SLC9A4: variants seen among roughly 807,000 people sequenced by gnomAD.
SLC9A4 encodes the protein solute carrier family 9 member A4, also known as sodium/hydrogen exchanger 4.
Under a neutral mutation model 67.4 loss-of-function variants are expected in SLC9A4, and 63 were observed. That is an observed-to-expected ratio of 0.93 (90% CI 0.76 to 1.15). The LOEUF is 1.15. Ranked by LOEUF, SLC9A4 falls within the 50% of genes most tolerant of loss-of-function variation. SLC9A4 has a pLI of 0.00. For synonymous variants in SLC9A4, 393 were observed against 367.2 expected (o/e 1.07, Z -0.80); for missense variants, 1,089 against 987.7 (o/e 1.10, Z -1.38).
At chr2:102,482,488 C>T (rs1479655561) in intron 2 of SLC9A4, among the ~76,000 whole-genome samples, 1 of 152,196 alleles carries the variant, frequency 6.6e-6, no homozygotes, top group Non-Finnish European at 1.5e-5. Context: ...CCAACCCATT[C>T]CTTCTATAAA....
intron 2 of SLC9A4, among the ~76,000 whole-genome samples, chr2:102,480,936 G>A (rs964388393): frequency 6.6e-6 from 1 of 152,204 alleles, no homozygotes. Context: ...GTGGGAGGCA[G>A]GCTTTGTGGT....
At position 102,473,628 on chromosome 2, in the gene SLC9A4, T is replaced by C; in HGVS notation, c.-132T>C. The C allele has an allele frequency of 6.2e-6, 7 of 1,131,670 alleles. No individual in the cohort carries two copies. The highest frequency in any genetic ancestry group is 2.5e-5 in the East Asian group (1 of 40,558). 70.1% of individuals were successfully genotyped at this position (1,131,670 alleles called of 1,614,324 possible). A position where few individuals can be genotyped will look rare whatever the true frequency, so the allele number is the denominator to read the frequency against. The stretch of plus-strand genomic sequence containing the variant: ...GCTCAATAACACACTCGGAATCTTC[T>C]TGGGAGGACCCACAGACTGTACCTA... On this transcript the variant is annotated 5_prime_UTR_variant, in exon 1 of 12. Transcript: ENST00000295269.
At position 102,514,073 on chromosome 2, in the gene SLC9A4, T is replaced by C; in HGVS notation, c.1560-17T>C. On this transcript the variant is annotated splice_polypyrimidine_tract_variant and intron_variant, in intron 7 of 11. Coordinates refer to ENST00000295269, the MANE Select transcript of SLC9A4 (RefSeq NM_001011552.4). ...ACAGACGTTCAAGATTTCCAAAATG[T>C]TGGTTTTCATTTTTAGGTTTAAGAA... The C allele has an allele frequency of 6.2e-7, 1 of 1,608,104 alleles. No homozygotes were observed. The highest frequency in any genetic ancestry group is 8.5e-7 in the Non-Finnish European group (1 of 1,177,820).
At chr2:102,525,799 C>T (rs568555577) in intron 10 of SLC9A4, among the ~76,000 whole-genome samples, 5 of 152,052 alleles carry the variant, frequency 3.3e-5, no homozygotes, top group Admixed American at 1.3e-4. Flanking sequence ...TGGAGACTGG[C>T]GTGTTCTGCT....
At chr2:102,485,336 C>T (rs892149445) in intron 2 of SLC9A4, among the ~76,000 whole-genome samples, 1 of 152,210 alleles carries the variant, frequency 6.6e-6, no homozygotes, top group Non-Finnish European at 1.5e-5. Context: ...GCCAGCAATT[C>T]CCTTTGGGTG....
rs369636879 is a variant in SLC9A4, at chr2:102,505,267, G to T, written c.994G>T (p.Ala332Ser). ...CTCCTTTTATAGAATCACAGCCTGC[G>T]CAGTAACAATGAAAAAGTACGTGGA... is the stretch of plus-strand genomic sequence containing the variant. Reference protein sequence around the residue: ...LSGILAITACAVTMKKYVEEN... With the variant: ...LSGILAITACSVTMKKYVEEN... The change falls in exon 4 of 12, where the codon GCA becomes TCA. Residue 332 changes from alanine to serine, a missense_variant. Transcript: ENST00000295269. 3 of 1,613,972 alleles carry T rather than the reference G, an allele frequency of 1.9e-6. No homozygotes were observed. The highest frequency in any genetic ancestry group is 3.3e-5 in the Admixed American group (2 of 59,990).
chr2:102,476,628 GA>G (rs1167744537), intron 1 of SLC9A4, among the ~76,000 whole-genome samples: 1 of 151,968 alleles, frequency 6.6e-6, no homozygotes, highest in Non-Finnish European at 1.5e-5. Context: ...TTTACATATT[GA>G]AAAAAGTTAA....
At chr2:102,520,584 A>G (rs1323716722) in intron 9 of SLC9A4, among the ~76,000 whole-genome samples, 1 of 152,178 alleles carries the variant, frequency 6.6e-6, no homozygotes, top group Non-Finnish European at 1.5e-5. Flanking sequence ...AAGTCATATA[A>G]TGACAAGTTT....
chr2:102,507,184 A>G (rs1685067526), intron 4 of SLC9A4, among the ~76,000 whole-genome samples: 1 of 152,204 alleles, frequency 6.6e-6, no homozygotes, highest in Non-Finnish European at 1.5e-5. Flanking sequence ...CATGGAGAGG[A>G]ACCAGGACAA....
At chr2:102,530,016 C>T (rs918923788) in intron 11 of SLC9A4, among the ~76,000 whole-genome samples, 17 of 152,222 alleles carry the variant, frequency 1.1e-4, no homozygotes, top group Admixed American at 5.9e-4. Flanking sequence ...AATGGTAACA[C>T]GACAATGTGA....
chr2:102,498,154 A>C (rs1684849999), intron 2 of SLC9A4, among the ~76,000 whole-genome samples: 1 of 152,244 alleles, frequency 6.6e-6, no homozygotes, highest in Non-Finnish European at 1.5e-5. Flanking sequence ...AAAGACACAC[A>C]CACATTATTG....
intron 11 of SLC9A4, among the ~76,000 whole-genome samples, chr2:102,526,604 C>T (rs1674670547): frequency 6.6e-6 from 1 of 152,006 alleles, no homozygotes; most frequent in Non-Finnish European, 1.5e-5. Context: ...AATGTACTAA[C>T]CATTTGTAGT....
chr2:102,486,775 G>A (rs866996795), intron 2 of SLC9A4, among the ~76,000 whole-genome samples: 3 of 152,154 alleles, frequency 2.0e-5, no homozygotes, highest in Non-Finnish European at 2.9e-5. Context: ...ATGAGACTTC[G>A]GATGCCTGGC....
At chr2:102,498,384 C>T (rs1684854543) in intron 2 of SLC9A4, among the ~76,000 whole-genome samples, 1 of 152,186 alleles carries the variant, frequency 6.6e-6, no homozygotes, top group Non-Finnish European at 1.5e-5. Context: ...AGTTGACTTT[C>T]CCAGGCCATT....
intron 2 of SLC9A4, among the ~76,000 whole-genome samples, chr2:102,500,559 A>G (rs1346043457): frequency 6.6e-6 from 1 of 152,136 alleles, no homozygotes; most frequent in African/African-American, 2.4e-5. Context: ...AACAAAGTGT[A>G]TTGTCAATGA....
intron 3 of SLC9A4, 56 bp from the exon 4 acceptor site, chr2:102,505,198 T>G: frequency 6.4e-7 from 1 of 1,551,552 alleles, no homozygotes; most frequent in Non-Finnish European, 8.8e-7. Flanking sequence ...GGGGAGGGCG[T>G]TTTGTGGAGG....
intron 11 of SLC9A4, among the ~76,000 whole-genome samples, chr2:102,530,524 C>A (rs2104452410): frequency 6.6e-6 from 1 of 152,336 alleles, no homozygotes; most frequent in East Asian, 1.9e-4. Context: ...CATACCCATG[C>A]CTCTTCCTAG....
intron 6 of SLC9A4, among the ~76,000 whole-genome samples, chr2:102,509,173 C>T (rs4851607): frequency 0.75 from 114,160 of 152,146 alleles, 43,203 homozygotes; most frequent in Middle Eastern, 0.8. Flanking sequence ...TGCAGGGCTG[C>T]GCTCCTTTCT....
At chr2:102,493,994 A>G (rs1336575844) in intron 2 of SLC9A4, among the ~76,000 whole-genome samples, 2 of 152,036 alleles carry the variant, frequency 1.3e-5, no homozygotes, top group East Asian at 3.9e-4. Context: ...AAACAAGACT[A>G]AACCCTTCCT....
Sources: gnomAD v4.1 joint callset for allele counts (sites outside exome capture counted in the v4.1 genomes callset) on GRCh38, gnomAD v4.1.1 for gene constraint, MANE v1.5 for transcripts, NCBI Gene and HGNC (gene_info 2026-07-23, HGNC 2026-07-21) for gene names.